The following RELN variants were observed in gnomAD, a reference collection of about 807,000 sequenced individuals.
The protein encoded by RELN is reelin.
Under a neutral mutation model 427.6 loss-of-function variants are expected in RELN, and 108 were observed. That is an observed-to-expected ratio of 0.25 (90% CI 0.22 to 0.30). RELN has a LOEUF of 0.30. Among genes scored for constraint, RELN ranks in the 10% least tolerant of loss-of-function variants. The pLI, the probability that RELN is intolerant of heterozygous loss-of-function variation, is 1.00. For missense variants in RELN, 3,715 were observed against 4,302.8 expected, an observed-to-expected ratio of 0.86 and a Z score of 3.82; for synonymous variants, 1,524 against 1,513.4, an observed-to-expected ratio of 1.01 and a Z score of -0.16.
chr7:103,909,141 G>T (rs1209047507), intron 2 of RELN, among the ~76,000 whole-genome samples: 1 of 152,102 alleles, frequency 6.6e-6, no homozygotes, highest in Non-Finnish European at 1.5e-5. Flanking sequence ...CCCTCTTCAT[G>T]AATATTAAGC....
At chr7:103,729,915 G>GTT (rs3216270) in intron 6 of RELN, among the ~76,000 whole-genome samples, 1 of 148,586 alleles carries the variant, frequency 6.7e-6, no homozygotes, top group African/African-American at 2.5e-5. Context: ...TTATATTAGG[G>GTT]TTTTTTTTTT....
intron 11 of RELN, among the ~76,000 whole-genome samples, chr7:103,669,178 T>A (rs1833336738): frequency 1.3e-5 from 2 of 152,178 alleles, no homozygotes; most frequent in Non-Finnish European, 2.9e-5. Flanking sequence ...TGTTGGAAGA[T>A]AACAAAAGTG....
intron 1 of RELN, among the ~76,000 whole-genome samples, chr7:103,976,247 C>T (rs557899306): frequency 6.6e-5 from 10 of 152,242 alleles, no homozygotes; most frequent in Middle Eastern, 3.4e-3. Flanking sequence ...CTAAACTGGA[C>T]GGACACTGGG....
intron 28 of RELN, among the ~76,000 whole-genome samples, chr7:103,577,299 G>C (rs765882188): frequency 1.6e-4 from 25 of 151,986 alleles, no homozygotes; most frequent in Admixed American, 2.6e-4. Flanking sequence ...CATAACCTTG[G>C]CTTTTTTCCC....
At chr7:103,688,227 G>T (rs1584408330) in intron 10 of RELN, among the ~76,000 whole-genome samples, 1 of 152,048 alleles carries the variant, frequency 6.6e-6, no homozygotes, top group African/African-American at 2.4e-5. Flanking sequence ...GGGAACATGG[G>T]CTAGCCACAA....
chr7:103,860,204 T>A (rs1794040117), intron 2 of RELN, among the ~76,000 whole-genome samples: 1 of 152,158 alleles, frequency 6.6e-6, no homozygotes, highest in Non-Finnish European at 1.5e-5. Context: ...CAAAATAACT[T>A]TATACTCAAC....
chr7:103,791,647 G>A (rs182452862), intron 3 of RELN, among the ~76,000 whole-genome samples: 1 of 152,056 alleles, frequency 6.6e-6, no homozygotes, highest in African/African-American at 2.4e-5. Context: ...AAAACATAGG[G>A]ATAAATCTTC....
intron 40 of RELN, among the ~76,000 whole-genome samples, chr7:103,552,068 C>T (rs1197045761): frequency 6.6e-6 from 1 of 152,064 alleles, no homozygotes; most frequent in African/African-American, 2.4e-5. Flanking sequence ...TCCTTCATAA[C>T]TGCAAGCTTG....
At chr7:103,932,878 C>T (rs1338807074) in intron 1 of RELN, among the ~76,000 whole-genome samples, 1 of 152,162 alleles carries the variant, frequency 6.6e-6, no homozygotes, top group Non-Finnish European at 1.5e-5. Flanking sequence ...AAGAAAGTGA[C>T]CTTCCAGAGA....
chr7:103,967,505 GT>G (rs2116807874), intron 1 of RELN, among the ~76,000 whole-genome samples: 1 of 152,214 alleles, frequency 6.6e-6, no homozygotes, highest in South Asian at 2.1e-4. Flanking sequence ...CTTCAATTAG[GT>G]TCCAGGCAGC....
chr7:103,871,999 A>G (rs1358990907), intron 2 of RELN, among the ~76,000 whole-genome samples: 1 of 147,570 alleles, frequency 6.8e-6, no homozygotes, highest in Non-Finnish European at 1.5e-5. Flanking sequence ...CTTACATTCT[A>G]TCTACAGTAT....
intron 4 of RELN, among the ~76,000 whole-genome samples, chr7:103,770,891 CA>C (rs1791551386): frequency 6.7e-6 from 1 of 150,204 alleles, no homozygotes; most frequent in Non-Finnish European, 1.5e-5. Context: ...CCCTCATTTT[CA>C]GCCAAATTGC....
chr7:103,910,443 C>T (rs1795339255), intron 2 of RELN, among the ~76,000 whole-genome samples: 2 of 151,874 alleles, frequency 1.3e-5, no homozygotes, highest in Non-Finnish European at 2.9e-5. Flanking sequence ...GAACTTCCAA[C>T]ACTATGTTGA....
At chr7:103,927,407 A>G (rs1795769309) in intron 1 of RELN, among the ~76,000 whole-genome samples, 2 of 152,202 alleles carry the variant, frequency 1.3e-5, no homozygotes. Context: ...TAAATTCACA[A>G]AATAATGTCA....
At chr7:103,918,809 T>C (rs75552372) in intron 1 of RELN, among the ~76,000 whole-genome samples, 2 of 152,072 alleles carry the variant, frequency 1.3e-5, no homozygotes, top group South Asian at 2.1e-4. Context: ...AAGTTGGCTA[T>C]TTAAATATGT....
chr7:103,607,671 A>G (rs1831850734), intron 22 of RELN, among the ~76,000 whole-genome samples: 3 of 152,210 alleles, frequency 2.0e-5, no homozygotes, highest in Admixed American at 6.5e-5. Context: ...TAACTTGAAG[A>G]CTGAAATGAA....
intron 3 of RELN, among the ~76,000 whole-genome samples, chr7:103,788,376 T>C (rs1381114816): frequency 6.6e-6 from 1 of 152,110 alleles, no homozygotes; most frequent in African/African-American, 2.4e-5. Context: ...GGGTATTCAA[T>C]TAGGAAAAGA....
At chr7:103,614,184 A>G (rs1832029478) in intron 20 of RELN, among the ~76,000 whole-genome samples, 2 of 152,240 alleles carry the variant, frequency 1.3e-5, no homozygotes, top group African/African-American at 2.4e-5. Context: ...AAACAATGAT[A>G]ACCAAATTTT....
intron 6 of RELN, among the ~76,000 whole-genome samples, chr7:103,736,410 A>C (rs1048914711): frequency 6.6e-6 from 1 of 152,204 alleles, no homozygotes; most frequent in African/African-American, 2.4e-5. Flanking sequence ...ATTGTATAAG[A>C]CTGAGAATAT....
Sources: allele counts gnomAD v4.1 joint callset (sites outside exome capture counted in the v4.1 genomes callset), GRCh38; gene constraint gnomAD v4.1.1; transcripts MANE v1.5; gene names NCBI Gene and HGNC (gene_info 2026-07-23, HGNC 2026-07-21).